Variants in AKAP12 observed in about 807,000 individuals in gnomAD.
The protein encoded by AKAP12 is A-kinase anchoring protein 12, also known as A-kinase anchor protein 12.
In AKAP12, 32 loss-of-function variants were observed where a neutral mutation model predicts 79.9. That is an observed-to-expected ratio of 0.40 (90% CI 0.30 to 0.54). The LOEUF is 0.54. AKAP12 is among the 20% of genes least tolerant of loss of function. AKAP12 has a pLI of 0.48. For missense variants in AKAP12, 2,074 were observed against 2,177.0 expected, an observed-to-expected ratio of 0.95 and a Z score of 0.94; for synonymous variants, 808 against 857.0, an observed-to-expected ratio of 0.94 and a Z score of 1.00.
At chr6:151,332,033 G>GTTTT (rs71014573) in intron 3 of AKAP12, among the ~76,000 whole-genome samples, 8 of 79,670 alleles carry the variant, frequency 1.0e-4, no homozygotes, top group Admixed American at 1.3e-4. Flanking sequence ...TTCTGGGTCT[G>GTTTT]TTTTTTTTTT....
intron 2 of AKAP12, among the ~76,000 whole-genome samples, chr6:151,296,642 T>G (rs1198039262): frequency 6.6e-6 from 1 of 152,140 alleles, no homozygotes; most frequent in Non-Finnish European, 1.5e-5. Context: ...CCGAGTGTGG[T>G]GGCACATGCC....
chr6:151,318,700 C>A (rs954554195), intron 3 of AKAP12, among the ~76,000 whole-genome samples: 1 of 152,106 alleles, frequency 6.6e-6, no homozygotes, highest in Non-Finnish European at 1.5e-5. Context: ...CTCTGGGAGG[C>A]CAAGGTGGGA....
At chr6:151,354,535 A>G (rs1370988393) in intron 4 of AKAP12, among the ~76,000 whole-genome samples, 15 of 151,810 alleles carry the variant, frequency 9.9e-5, no homozygotes, top group East Asian at 9.7e-4. Flanking sequence ...CACCATACCC[A>G]GCTAATTTTT....
chr6:151,349,931 A>G lies in AKAP12; in HGVS notation c.1540A>G (p.Ser514Gly), dbSNP rs753710105. ...ACAGGAGAGAATGAAGGTGCAGGGA[A>G]GTCCACTAAAGAAGCTTTTTACCAG... ...SSQERMKVQG[S>G]PLKKLFTSTG... Residue 514 changes from serine to glycine, a missense_variant, in exon 4 of 5, where the codon AGT becomes GGT. Physicochemically the swap from Ser to Gly is moderately conservative, Grantham distance 56. This residue lies in a region of AKAP12 where 1,428 missense variants were observed against 1,451.0 expected (regional missense o/e 0.98). Coordinates refer to ENST00000402676, the MANE Select transcript of AKAP12 (RefSeq NM_005100.4). The G allele has an allele frequency of 9.3e-6, 15 of 1,614,154 alleles. No individual in the cohort carries two copies. The highest frequency in any genetic ancestry group is 1.3e-5 in the Non-Finnish European group (15 of 1,180,026).
chr6:151,307,303 C>T (rs529958716), intron 3 of AKAP12, among the ~76,000 whole-genome samples: 1 of 152,198 alleles, frequency 6.6e-6, no homozygotes, highest in African/African-American at 2.4e-5. Flanking sequence ...TCAGCAGATT[C>T]CAAAACCACT....
At chr6:151,341,507 G>T (rs1777945910) in intron 3 of AKAP12, among the ~76,000 whole-genome samples, 1 of 152,208 alleles carries the variant, frequency 6.6e-6, no homozygotes, top group African/African-American at 2.4e-5. Context: ...CTGGGAGGTC[G>T]AGGGCTGGCG....
chr6:151,346,569 T>C (rs561449812), intron 3 of AKAP12, among the ~76,000 whole-genome samples: 72 of 152,238 alleles, frequency 4.7e-4, no homozygotes, highest in Non-Finnish European at 8.2e-4. Flanking sequence ...GATGAATTCT[T>C]GTCCTTCTCA....
At chr6:151,244,358 A>G (rs1797030343) in intron 2 of AKAP12, among the ~76,000 whole-genome samples, 1 of 152,124 alleles carries the variant, frequency 6.6e-6, no homozygotes, top group Non-Finnish European at 1.5e-5. Flanking sequence ...CCCCATCTCT[A>G]CTAAAAATAC....
At chr6:151,345,908 TG>T (rs1778084231) in intron 3 of AKAP12, among the ~76,000 whole-genome samples, 1 of 67,042 alleles carries the variant, frequency 1.5e-5, no homozygotes, top group Non-Finnish European at 4.7e-5. Flanking sequence ...TGTGTGTGTG[TG>T]TGTGTGTGTG....
chr6:151,350,738 T>C lies in AKAP12; in HGVS notation c.2347T>C (p.Ser783Pro), dbSNP rs769287955. Residue 783 changes from serine (S) to proline (P), a missense_variant, in exon 4 of 5, where the codon TCC becomes CCC. Coordinates refer to ENST00000402676, the MANE Select transcript of AKAP12 (RefSeq NM_005100.4). The surrounding 1 kb of genome is among the most constrained non-coding windows in gnomAD (Gnocchi z 4.8). ...CAAGCTGGAAGAGAAAAGCGAAGACTCCATAGCTGGGTCTGGTGTAGAACA... is the reference window on the plus strand; with the variant it reads ...CAAGCTGGAAGAGAAAAGCGAAGACCCCATAGCTGGGTCTGGTGTAGAACA... ...KSKLEEKSEDSIAGSGVEHST... is the reference protein window; with the variant it reads ...KSKLEEKSEDPIAGSGVEHST... 1.9e-6 allele frequency: 3 copies of C among 1,613,984 alleles called. No homozygotes were observed. Among genetic ancestry groups the C allele is most frequent in the Non-Finnish European group, 2.5e-6 (3 of 1,179,996 alleles).
chr6:151,253,699 T>C (rs142601363), intron 2 of AKAP12, among the ~76,000 whole-genome samples: 349 of 144,584 alleles, frequency 2.4e-3, no homozygotes, highest in African/African-American at 8.6e-3. Context: ...AATTTTGCTA[T>C]GATGATTTTT....
intron 3 of AKAP12, among the ~76,000 whole-genome samples, chr6:151,346,135 G>A (rs925523171): frequency 3.3e-5 from 5 of 152,050 alleles, no homozygotes; most frequent in African/African-American, 1.2e-4. Flanking sequence ...TCCTTTTGCT[G>A]TTTTTCCCTA....
In AKAP12 at chr6:151,350,817, A is replaced by G. The variant is rs1041898470; in HGVS notation, c.2426A>G (p.Lys809Arg). 4.3e-6 allele frequency: 7 copies of G among 1,613,962 alleles called. No individual in the cohort carries two copies. In the African/African-American group the frequency reaches 6.7e-5, roughly 15 times the overall value. Residue 809 changes from lysine to arginine, a missense_variant, in exon 4 of 5, where the codon AAG (lysine) becomes AGG (arginine). By Grantham distance (26) the Lys-to-Arg change is conservative. This residue lies in a region of AKAP12 where 1,428 missense variants were observed against 1,451.0 expected (regional missense o/e 0.98). Transcript: ENST00000402676. This position sits in a 1 kb window ranked among gnomAD's most constrained non-coding sequence, Gnocchi z 4.8. ...GKEESWVSIK[K>R]FIPGRRKKRP... ...GAAGAATCCTGGGTCTCAATCAAGA[A>G]GTTTATTCCTGGACGAAGGAAGAAA... is the stretch of plus-strand genomic sequence containing the variant.
chr6:151,350,372 G>A lies in AKAP12; in HGVS notation c.1981G>A (p.Val661Met), dbSNP rs374195108. ...SEMQEEMKGSVEEPKPEEPKR... is the reference protein window; with the variant it reads ...SEMQEEMKGSMEEPKPEEPKR... ...AATGCAAGAAGAAATGAAAGGGAGC[G>A]TGGAAGAGCCAAAGCCGGAAGAACC... Residue 661 changes from valine to methionine, a missense_variant, in exon 4 of 5, where the codon GTG (valine) becomes ATG (methionine). Coordinates refer to ENST00000402676, the MANE Select transcript of AKAP12 (RefSeq NM_005100.4). This position sits in a 1 kb window ranked among gnomAD's most constrained non-coding sequence, Gnocchi z 4.8. 1.4e-5 allele frequency: 23 copies of A among 1,613,752 alleles called. No homozygotes were observed. The highest frequency in any genetic ancestry group is 3.3e-4 in the Middle Eastern group (2 of 6,084).
Position 151,323,741 on chromosome 6 carries a change from T to C in AKAP12, c.319+17838T>C, listed in dbSNP as rs1038777626. On this transcript the variant is annotated intron_variant, in intron 3 of 4. Coordinates refer to ENST00000402676, the MANE Select transcript of AKAP12 (RefSeq NM_005100.4). Reference sequence around the variant, plus strand: ...CCTATCCAGCTCAGTGGAATAGCTGTTGCTTGTCCCAGTGTTAGAATTTGG... The same window carrying C: ...CCTATCCAGCTCAGTGGAATAGCTGCTGCTTGTCCCAGTGTTAGAATTTGG... 6.1e-6 allele frequency: 6 copies of C among 985,286 alleles called. No individual in the cohort carries two copies. The African/African-American group carries it at 1.0e-4, about 17-fold the overall frequency. The allele number at this position is 985,286 out of a possible 1,614,324, so 61.0% of individuals were successfully genotyped here. A position where few individuals can be genotyped will look rare whatever the true frequency, so the allele number is the denominator to read the frequency against.
intron 2 of AKAP12, among the ~76,000 whole-genome samples, chr6:151,304,488 CA>C (rs1157088954): frequency 2.4e-3 from 109 of 45,936 alleles, no homozygotes; most frequent in African/African-American, 5.0e-3. Flanking sequence ...CACTCCATCT[CA>C]AAAAAAAAAA....
chr6:151,325,498 G>A, intron 3 of AKAP12: 1 of 985,352 alleles, frequency 1.0e-6, no homozygotes, highest in Non-Finnish European at 1.2e-6. Flanking sequence ...GCTCGGGGGA[G>A]GGCTTTAAGG....
intron 2 of AKAP12, among the ~76,000 whole-genome samples, chr6:151,272,532 T>TAGAC (rs1776208391): frequency 6.7e-6 from 1 of 150,198 alleles, no homozygotes; most frequent in South Asian, 2.1e-4. Flanking sequence ...GATAGATAGA[T>TAGAC]AGATAGAGAT....
chr6:151,348,681 C>CACCA, intron 3 of AKAP12, 30 bp from the exon 4 acceptor site: 1 of 218,348 alleles, frequency 4.6e-6, no homozygotes, highest in Non-Finnish European at 9.1e-6. Context: ...TTTCTCTTCT[C>CACCA]CCCACCCCCC....
Sources: gnomAD v4.1 joint callset for allele counts (sites outside exome capture counted in the v4.1 genomes callset) on GRCh38, gnomAD v4.1.1 for gene constraint, gnomAD v4.1.1 regional missense constraint, Gnocchi (gnomAD v3.1) non-coding constraint, MANE v1.5 for transcripts, NCBI Gene and HGNC (gene_info 2026-07-23, HGNC 2026-07-21) for gene names.